INPP4B: variants seen among roughly 807,000 people sequenced by gnomAD.
INPP4B encodes inositol polyphosphate-4-phosphatase type II B.
In INPP4B, 55 loss-of-function variants were observed where a neutral mutation model predicts 122.5. That is an observed-to-expected ratio of 0.45 (90% CI 0.36 to 0.56). The LOEUF (loss-of-function observed/expected upper bound fraction) is 0.56. Ranked by LOEUF, INPP4B falls within the 20% of genes least tolerant of loss-of-function variation. The pLI is 0.00. For missense variants in INPP4B, 1,000 were observed against 1,097.7 expected, an observed-to-expected ratio of 0.91 and a Z score of 1.26; for synonymous variants, 403 against 388.7, an observed-to-expected ratio of 1.04 and a Z score of -0.43.
chr4:142,118,961 C>G (rs1294330810), intron 21 of INPP4B, among the ~76,000 whole-genome samples: 1 of 152,048 alleles, frequency 6.6e-6, no homozygotes, highest in Admixed American at 6.6e-5. Flanking sequence ...AAAAATCAAA[C>G]AACCCCATCA....
At chr4:142,637,406 GTTTTGCC>G (rs1421987557) in intron 2 of INPP4B, among the ~76,000 whole-genome samples, 5 of 152,062 alleles carry the variant, frequency 3.3e-5, no homozygotes, top group Non-Finnish European at 7.4e-5. Flanking sequence ...TATCTCCATA[GTTTTGCC>G]TTTTCCAGAA....
rs764431681 is a variant in INPP4B at position 142,112,522 on chromosome 4, A to G, written c.2276+20T>C. 5 of 1,611,112 alleles carry G rather than the reference A, an allele frequency of 3.1e-6. No individual in the cohort carries two copies. In the African/African-American group the frequency reaches 6.7e-5, roughly 22 times the overall value. On this transcript the variant is annotated intron_variant, in intron 22 of 25. Transcript: ENST00000262992. Reference sequence around the variant, plus strand: ...GGAACAAAGAAAAATCTCAAGTGCGACTCTTACACCAAAGCTTACCTTTCA... The same window carrying G: ...GGAACAAAGAAAAATCTCAAGTGCGGCTCTTACACCAAAGCTTACCTTTCA...
intron 2 of INPP4B, among the ~76,000 whole-genome samples, chr4:142,611,630 C>CTTTTTTTT (rs1560863610): frequency 3.3e-5 from 3 of 90,680 alleles, no homozygotes; most frequent in African/African-American, 8.2e-5. Flanking sequence ...TCTGTTTTTT[C>CTTTTTTTT]TTTTTTCTTT....
chr4:142,835,758 C>A (rs1278312135), intron 1 of INPP4B, among the ~76,000 whole-genome samples: 1 of 152,146 alleles, frequency 6.6e-6, no homozygotes, highest in Non-Finnish European at 1.5e-5. Context: ...AACTATTATT[C>A]GTACTCATTC....
intron 2 of INPP4B, among the ~76,000 whole-genome samples, chr4:142,592,188 C>T (rs1737645553): frequency 6.6e-6 from 1 of 152,114 alleles, no homozygotes; most frequent in Non-Finnish European, 1.5e-5. Flanking sequence ...TGAGTTGCAG[C>T]AAATATGTGT....
At chr4:142,391,315 T>A (rs988620854) in intron 7 of INPP4B, among the ~76,000 whole-genome samples, 3 of 152,186 alleles carry the variant, frequency 2.0e-5, no homozygotes, top group African/African-American at 7.2e-5. Context: ...CCCAGCACTC[T>A]GGGAAGCCGA....
intron 17 of INPP4B, among the ~76,000 whole-genome samples, chr4:142,153,763 T>C (rs899567983): frequency 2.0e-5 from 3 of 152,186 alleles, no homozygotes; most frequent in African/African-American, 7.2e-5. Context: ...AGCTAGGATG[T>C]ATAAGATGTG....
At chr4:142,332,872 G>C (rs1339147782) in intron 7 of INPP4B, among the ~76,000 whole-genome samples, 1 of 150,790 alleles carries the variant, frequency 6.6e-6, no homozygotes, top group African/African-American at 2.4e-5. Context: ...AAGGCCAGGC[G>C]TGGTGGCGGG....
chr4:142,116,166 T>A (rs1793243125), intron 21 of INPP4B, among the ~76,000 whole-genome samples: 1 of 152,068 alleles, frequency 6.6e-6, no homozygotes, highest in Non-Finnish European at 1.5e-5. Flanking sequence ...ATAAAGCAAG[T>A]CCTTTGAGAA....
At chr4:142,694,934 G>A (rs921065874) in intron 2 of INPP4B, among the ~76,000 whole-genome samples, 2 of 151,972 alleles carry the variant, frequency 1.3e-5, no homozygotes, top group Non-Finnish European at 2.9e-5. Flanking sequence ...CCACTTTCTG[G>A]TTTAAAAACC....
chr4:142,597,260 G>T (rs555460573), intron 2 of INPP4B, among the ~76,000 whole-genome samples: 1 of 152,302 alleles, frequency 6.6e-6, no homozygotes, highest in South Asian at 2.1e-4. Flanking sequence ...TCTTCAAAGA[G>T]TCTTTAAGAT....
At chr4:142,744,089 AAAG>A (rs1179639858) in intron 1 of INPP4B, among the ~76,000 whole-genome samples, 1 of 151,986 alleles carries the variant, frequency 6.6e-6, no homozygotes, top group Non-Finnish European at 1.5e-5. Context: ...AGTCTTAATG[AAAG>A]AACAGATGAT....
intron 9 of INPP4B, among the ~76,000 whole-genome samples, chr4:142,271,426 T>C (rs917127726): frequency 6.6e-6 from 1 of 152,134 alleles, no homozygotes; most frequent in Admixed American, 6.6e-5. Context: ...CTGCAGCCCA[T>C]CTATACTAAC....
chr4:142,842,386 A>G (rs1783598766), intron 1 of INPP4B, among the ~76,000 whole-genome samples: 1 of 150,948 alleles, frequency 6.6e-6, no homozygotes, highest in African/African-American at 2.4e-5. Context: ...TACACAGTCC[A>G]TTGAAAAAAA....
At chr4:142,785,072 G>A (rs898473038) in intron 1 of INPP4B, among the ~76,000 whole-genome samples, 3 of 152,080 alleles carry the variant, frequency 2.0e-5, no homozygotes, top group African/African-American at 7.2e-5. Context: ...ACATTTAGAA[G>A]ATCAAGAAGA....
chr4:142,246,735 T>C (rs1009204175), intron 11 of INPP4B, among the ~76,000 whole-genome samples: 1 of 152,218 alleles, frequency 6.6e-6, no homozygotes, highest in Non-Finnish European at 1.5e-5. Flanking sequence ...AATCATGTCA[T>C]CTGCAAACAG....
chr4:142,744,840 C>T (rs331952), intron 1 of INPP4B, among the ~76,000 whole-genome samples: 35,255 of 151,502 alleles, frequency 0.23, 4,368 homozygotes, highest in South Asian at 0.35. Context: ...AATAAATAGA[C>T]ATAAATATAA....
intron 7 of INPP4B, among the ~76,000 whole-genome samples, chr4:142,346,543 T>C (rs1330908074): frequency 6.6e-6 from 1 of 151,966 alleles, no homozygotes; most frequent in Non-Finnish European, 1.5e-5. Context: ...AGATAAGAGG[T>C]ACTATCTAGG....
intron 10 of INPP4B, among the ~76,000 whole-genome samples, chr4:142,262,698 G>A (rs1440963427): frequency 6.6e-6 from 1 of 152,038 alleles, no homozygotes; most frequent in Non-Finnish European, 1.5e-5. Context: ...AACTTAGTAG[G>A]TGATATTTTT....
Sources: allele counts gnomAD v4.1 joint callset (sites outside exome capture counted in the v4.1 genomes callset), GRCh38; gene constraint gnomAD v4.1.1; transcripts MANE v1.5; gene names NCBI Gene and HGNC (gene_info 2026-07-23, HGNC 2026-07-21).